CCDC171: variants seen among roughly 807,000 people sequenced by gnomAD.
CCDC171 encodes coiled-coil domain-containing protein 171.
Under a neutral mutation model 168.2 loss-of-function variants are expected in CCDC171, and 177 were observed. The observed-to-expected ratio is 1.05, with a 90% CI of 0.93 to 1.19. The LOEUF (loss-of-function observed/expected upper bound fraction) is 1.19. Among genes scored for constraint, CCDC171 ranks in the 50% most tolerant of loss-of-function variants. The pLI is 0.00. For missense variants in CCDC171, 1,991 were observed against 1,539.0 expected (o/e 1.29, Z -4.91); for synonymous variants, 687 against 540.8 (o/e 1.27, Z -3.75).
intron 6 of CCDC171, among the ~76,000 whole-genome samples, chr9:15,599,851 T>C (rs1443594068): frequency 1.1e-4 from 16 of 152,176 alleles, no homozygotes; most frequent in Admixed American, 1.0e-3. Flanking sequence ...TTGTTTCTTT[T>C]TACTCTTTTT....
chr9:15,736,575 C>G (rs933987398), intron 16 of CCDC171, among the ~76,000 whole-genome samples: 1 of 152,166 alleles, frequency 6.6e-6, no homozygotes, highest in Non-Finnish European at 1.5e-5. Flanking sequence ...TGGCCCTGAA[C>G]TCCTGGGCTC....
chr9:15,870,350 G>A (rs1307325832), intron 23 of CCDC171, among the ~76,000 whole-genome samples: 1 of 151,824 alleles, frequency 6.6e-6, no homozygotes, highest in Admixed American at 6.6e-5. Context: ...CATGAATGCA[G>A]GATAATGAGA....
chr9:15,974,036 T>A lies in CCDC171; in HGVS notation c.*2200T>A, dbSNP rs1243756735. 1 of 152,114 alleles carries A rather than the reference T, an allele frequency of 6.6e-6. No homozygotes were observed. The highest frequency in any genetic ancestry group is 1.5e-5 in the Non-Finnish European group (1 of 68,026). The allele number at this position is 152,114 out of a possible 1,614,324, so 9.4% of individuals were successfully genotyped here. Reference sequence around the variant, plus strand: ...AAAAATAAATGTGTATGTGTCTCCATATATATGGGTATCTAACTTTACAGG... The same window carrying A: ...AAAAATAAATGTGTATGTGTCTCCAAATATATGGGTATCTAACTTTACAGG... On this transcript the variant is annotated 3_prime_UTR_variant, in exon 26 of 26. Transcript: ENST00000380701.
intron 25 of CCDC171, among the ~76,000 whole-genome samples, chr9:15,960,301 G>A (rs1051655827): frequency 3.3e-5 from 5 of 152,130 alleles, no homozygotes; most frequent in Non-Finnish European, 7.4e-5. Context: ...ATTTTTATTT[G>A]TTTAATTCAC....
intron 24 of CCDC171, among the ~76,000 whole-genome samples, chr9:15,905,677 C>T (rs1367875798): frequency 1.3e-5 from 2 of 152,020 alleles, no homozygotes; most frequent in African/African-American, 4.8e-5. Flanking sequence ...AAGATCAGAG[C>T]AGAAGTGAAG....
At chr9:15,583,510 C>T (rs892504803) in intron 4 of CCDC171, among the ~76,000 whole-genome samples, 7 of 151,912 alleles carry the variant, frequency 4.6e-5, no homozygotes, top group Non-Finnish European at 7.4e-5. Context: ...CTGGATGGAG[C>T]TGGAGGCCAT....
chr9:15,810,898 C>T lies in CCDC171; in HGVS notation c.3267+26204C>T, dbSNP rs192295949. Reference sequence around the variant, plus strand: ...GTTCCTCAAGCATGGCCAGAGCAGACGCTGAGGCCGAGGAGGTGCTGAGAG... The same window carrying T: ...GTTCCTCAAGCATGGCCAGAGCAGATGCTGAGGCCGAGGAGGTGCTGAGAG... On this transcript the variant is annotated intron_variant, in intron 21 of 25. Transcript: ENST00000380701. Among the ~76,000 whole-genome samples the T allele has an allele frequency of 7.2e-4, 109 of 152,362 alleles. No individual in the cohort carries two copies. The Middle Eastern group carries it at 0.01, about 14-fold the overall frequency.
At chr9:15,765,634 A>C (rs1296156938) in intron 18 of CCDC171, among the ~76,000 whole-genome samples, 2 of 152,148 alleles carry the variant, frequency 1.3e-5, no homozygotes, top group South Asian at 2.1e-4. Flanking sequence ...GAAGGTGAGA[A>C]GATATTGGTT....
At chr9:16,095,574 C>T in the CCDC171 span, among the ~76,000 whole-genome samples, 2 of 151,964 alleles carry the variant, frequency 1.3e-5, no homozygotes, top group South Asian at 2.1e-4. Context: ...CACATACACA[C>T]ATGTTGAAAT....
intron 6 of CCDC171, among the ~76,000 whole-genome samples, chr9:15,606,251 C>G (rs971135308): frequency 2.6e-5 from 4 of 152,186 alleles, no homozygotes. Flanking sequence ...TCAGTAATCT[C>G]TTATTGATGC....
chr9:15,615,702 T>C (rs1367584857), intron 6 of CCDC171, among the ~76,000 whole-genome samples: 1 of 152,126 alleles, frequency 6.6e-6, no homozygotes, highest in African/African-American at 2.4e-5. Context: ...ATACTCTTTG[T>C]TTATTGCAAT....
chr9:15,728,612 A>G (rs2053964704), intron 15 of CCDC171, among the ~76,000 whole-genome samples: 1 of 152,174 alleles, frequency 6.6e-6, no homozygotes, highest in Admixed American at 6.5e-5. Context: ...TTATGGTAAC[A>G]TTACTATCTC....
rs376755723 is a variant in CCDC171 at position 15,721,752 on chromosome 9, C to T, written c.1319-17C>T. On this transcript the variant is annotated splice_polypyrimidine_tract_variant and intron_variant, in intron 11 of 25. Coordinates refer to ENST00000380701, the MANE Select transcript of CCDC171 (RefSeq NM_173550.4). ...TGTGACTTTAAGGGTATATTTTCAT[C>T]CTATATTTTTCTCTAGGCATCCACA... is the stretch of plus-strand genomic sequence containing the variant. 1.4e-5 allele frequency: 21 copies of T among 1,450,280 alleles called. No individual in the cohort carries two copies. Among genetic ancestry groups the T allele is most frequent in the Admixed American group, 2.1e-5 (1 of 47,742 alleles). 89.8% of individuals were successfully genotyped at this position (1,450,280 alleles called of 1,614,324 possible).
chr9:16,098,912 T>C, the CCDC171 span, among the ~76,000 whole-genome samples: 1 of 152,224 alleles, frequency 6.6e-6, no homozygotes, highest in African/African-American at 2.4e-5. Context: ...AAATTGAGAC[T>C]GCTCTGAGGA....
At chr9:15,992,059 A>T (rs1309297251) in intron 3 of CCDC171, among the ~76,000 whole-genome samples, 1 of 152,158 alleles carries the variant, frequency 6.6e-6, no homozygotes, top group Non-Finnish European at 1.5e-5. Flanking sequence ...AAAAGAAGGA[A>T]TCCTCCCTAA....
chr9:15,689,969 A>G (rs975913754), intron 10 of CCDC171, among the ~76,000 whole-genome samples: 2 of 152,206 alleles, frequency 1.3e-5, no homozygotes, highest in African/African-American at 4.8e-5. Context: ...ATATTTTTCA[A>G]CAAATGGTGC....
chr9:15,941,315 T>A (rs1272113329), intron 25 of CCDC171, among the ~76,000 whole-genome samples: 3 of 152,016 alleles, frequency 2.0e-5, no homozygotes, highest in Non-Finnish European at 4.4e-5. Context: ...CCGGTAGCGA[T>A]TCAATACTTG....
At chr9:15,605,328 A>G (rs761976089) in intron 6 of CCDC171, among the ~76,000 whole-genome samples, 1 of 152,018 alleles carries the variant, frequency 6.6e-6, no homozygotes, top group African/African-American at 2.4e-5. Flanking sequence ...ATGTACTGGT[A>G]TCCTATTAAC....
intron 11 of CCDC171, among the ~76,000 whole-genome samples, chr9:15,720,060 T>G (rs2053373067): frequency 6.6e-6 from 1 of 152,190 alleles, no homozygotes; most frequent in Non-Finnish European, 1.5e-5. Flanking sequence ...CCACATTACT[T>G]TTGGTTTTTA....
Sources: allele counts gnomAD v4.1 joint callset (sites outside exome capture counted in the v4.1 genomes callset), GRCh38; gene constraint gnomAD v4.1.1; transcripts MANE v1.5; gene names NCBI Gene and HGNC (gene_info 2026-07-23, HGNC 2026-07-21).